ZNF423: variants seen among roughly 807,000 people sequenced by gnomAD.
ZNF423 encodes the protein zinc finger protein 423.
ZNF423 carries 12 observed loss-of-function variants against 95.8 expected under a neutral mutation model. The ratio of observed to expected loss-of-function variants is 0.13; its 90% CI spans 0.08 to 0.20. The LOEUF is 0.20. Among genes scored for constraint, ZNF423 ranks in the 10% least tolerant of loss-of-function variants. ZNF423 has a pLI of 1.00. For missense variants in ZNF423, 1,316 were observed against 1,737.1 expected (o/e 0.76, Z 4.31); for synonymous variants, 749 against 711.9 (o/e 1.05, Z -0.83).
intron 5 of ZNF423, among the ~76,000 whole-genome samples, chr16:49,592,323 T>C (rs1336337235): frequency 6.6e-6 from 1 of 152,222 alleles, no homozygotes; most frequent in Non-Finnish European, 1.5e-5. Flanking sequence ...AAGTGTATTA[T>C]TTGAGTTTTT....
At chr16:49,805,953 G>A (rs1464646848) in intron 1 of ZNF423, among the ~76,000 whole-genome samples, 1 of 152,216 alleles carries the variant, frequency 6.6e-6, no homozygotes, top group Non-Finnish European at 1.5e-5. Context: ...CTGGGGAACC[G>A]CCTGCCTGGA....
chr16:49,720,612 A>T (rs563895257), intron 3 of ZNF423, among the ~76,000 whole-genome samples: 8 of 152,348 alleles, frequency 5.3e-5, no homozygotes, highest in Admixed American at 3.9e-4. Context: ...GGATATACAC[A>T]CCAAGGATTC....
intron 3 of ZNF423, among the ~76,000 whole-genome samples, chr16:49,662,253 G>C (rs2030275391): frequency 6.6e-6 from 1 of 152,140 alleles, no homozygotes; most frequent in South Asian, 2.1e-4. Flanking sequence ...TCTACAAAGA[G>C]GTTTGGTCCC....
In ZNF423 at chr16:49,562,492, T is replaced by C. The variant is rs994681358; in HGVS notation, c.3602-36998A>G. 2.6e-5 allele frequency among the ~76,000 whole-genome samples: 4 copies of C among 152,188 alleles called. No individual in the cohort carries two copies. The East Asian group carries it at 7.7e-4, about 29-fold the overall frequency. On this transcript the variant is annotated intron_variant, in intron 5 of 7. Coordinates refer to ENST00000563137, the MANE Select transcript of ZNF423 (RefSeq NM_001379286.1). ...GCTGTTAACTGTTCTTGGGAGTCTA[T>C]ACTGAAGAAGCCAGGAAAGTATTTG...
chr16:49,824,823 G>A (rs1195250689), intron 1 of ZNF423, among the ~76,000 whole-genome samples: 3 of 152,164 alleles, frequency 2.0e-5, no homozygotes, highest in Non-Finnish European at 2.9e-5. Context: ...CGAGATTCCA[G>A]GGTGCCCCGT....
In ZNF423 at chr16:49,636,019, T is replaced by G. The variant is rs1279792394; in HGVS notation, c.3157A>C (p.Lys1053Gln). ...LKIHGTFHMQ[K>Q]LAGSSAASSP... is the part of the protein sequence containing the mutation. The stretch of plus-strand genomic sequence containing the variant: ...GACGCCGCTGAGCTGCCCGCCAGCT[T>G]CTGCATGTGGAAGGTGCCATGGATC... The change falls in exon 4 of 8, where the codon AAG becomes CAG. Residue 1053 changes from lysine to glutamine, a missense_variant. Physicochemically the swap from Lys to Gln is moderately conservative, Grantham distance 53. Coordinates refer to ENST00000563137, the MANE Select transcript of ZNF423 (RefSeq NM_001379286.1). The surrounding 1 kb of genome is among the most constrained non-coding windows in gnomAD (Gnocchi z 8.6). 1.5e-5 allele frequency: 24 copies of G among 1,608,462 alleles called. No individual in the cohort carries two copies. The highest frequency in any genetic ancestry group is 2.0e-5 in the Non-Finnish European group (24 of 1,175,868).
chr16:49,792,343 GAAAGAGA>G (rs2034430431), intron 1 of ZNF423, among the ~76,000 whole-genome samples: 1 of 152,206 alleles, frequency 6.6e-6, no homozygotes, highest in African/African-American at 2.4e-5. Flanking sequence ...GCCATAATGG[GAAAGAGA>G]ACAGGGAAAC....
At chr16:49,823,614 G>A (rs923703769) in intron 1 of ZNF423, among the ~76,000 whole-genome samples, 7 of 151,986 alleles carry the variant, frequency 4.6e-5, no homozygotes, top group East Asian at 1.9e-4. Context: ...GCAACATTCC[G>A]AAAGGGAAAG....
chr16:49,797,893 G>C (rs72780383), intron 1 of ZNF423, among the ~76,000 whole-genome samples: 13,307 of 151,578 alleles, frequency 0.088, 712 homozygotes, highest in Middle Eastern at 0.15. Context: ...ACCAAAAGGA[G>C]GCTGGGTCTA....
rs1420041037 is a variant in ZNF423 at position 49,692,180 on chromosome 16, C to T, written c.301+38591G>A. 2.0e-5 allele frequency among the ~76,000 whole-genome samples: 3 copies of T among 152,056 alleles called. No individual in the cohort carries two copies. The South Asian group carries it at 6.2e-4, about 32-fold the overall frequency. On this transcript the variant is annotated intron_variant, in intron 3 of 7. Transcript: ENST00000563137. ...GTGTTGCTCAGGCTCTTCTCAAACT[C>T]CTGGGTTCAAGCGATCCTCCTGTCT... is the stretch of plus-strand genomic sequence containing the variant.
chr16:49,827,233 G>A (rs1445488637), intron 1 of ZNF423, among the ~76,000 whole-genome samples: 1 of 152,056 alleles, frequency 6.6e-6, no homozygotes, highest in East Asian at 1.9e-4. Flanking sequence ...CCAGCCTCCA[G>A]CCACAGAGCA....
At position 49,636,759 on chromosome 16, in the gene ZNF423, C is replaced by T; in HGVS notation, c.2417G>A (p.Cys806Tyr). 3 of 1,614,028 alleles carry T rather than the reference C, an allele frequency of 1.9e-6. No homozygotes were observed. The highest frequency in any genetic ancestry group is 2.5e-6 in the Non-Finnish European group (3 of 1,179,962). ...ETFSTEVELQCHITTHSKKYN... is the reference protein window; with the variant it reads ...ETFSTEVELQYHITTHSKKYN... ...CTTCTTGCTGTGTGTGGTGATGTGG[C>T]ACTGCAGCTCCACCTCGGTGCTGAA... The change falls in exon 4 of 8, where the codon TGC becomes TAC. Residue 806 changes from cysteine (C) to tyrosine (Y), a missense_variant. Transcript: ENST00000563137. The surrounding 1 kb of genome is among the most constrained non-coding windows in gnomAD (Gnocchi z 8.6).
chr16:49,595,126 A>G (rs1971142668), intron 5 of ZNF423, among the ~76,000 whole-genome samples: 2 of 152,168 alleles, frequency 1.3e-5, no homozygotes, highest in Admixed American at 6.5e-5. Context: ...GAGGGCAGGG[A>G]GTGCTGCTGA....
chr16:49,711,716 A>C (rs1334474096), intron 3 of ZNF423: 1 of 152,260 alleles, frequency 6.6e-6, no homozygotes, highest in Non-Finnish European at 1.5e-5. Context: ...GTAAAGGTGT[A>C]GGAGAAGGTC....
At chr16:49,559,103 C>A (rs1969935200) in intron 5 of ZNF423, among the ~76,000 whole-genome samples, 1 of 152,236 alleles carries the variant, frequency 6.6e-6, no homozygotes. Context: ...ATCCCCTGGA[C>A]TCCTAAACAC....
chr16:49,822,609 G>T, intron 1 of ZNF423: 1 of 1,401,562 alleles, frequency 7.1e-7, no homozygotes, highest in Admixed American at 2.1e-5. Flanking sequence ...TCTAGTTCGA[G>T]CTCCTTCTGT....
At chr16:49,640,284 C>T (rs1226460446) in intron 3 of ZNF423, among the ~76,000 whole-genome samples, 1 of 152,156 alleles carries the variant, frequency 6.6e-6, no homozygotes, top group African/African-American at 2.4e-5. Context: ...TGCGCATACA[C>T]ACGCCTACCT....
At chr16:49,551,102 G>A (rs577938850) in intron 5 of ZNF423, among the ~76,000 whole-genome samples, 1 of 152,358 alleles carries the variant, frequency 6.6e-6, no homozygotes, top group Non-Finnish European at 1.5e-5. Context: ...GCCCCTTCCA[G>A]GTGGGCCCCC....
At chr16:49,584,592 CAAGATCA>C (rs1347472550) in intron 5 of ZNF423, among the ~76,000 whole-genome samples, 6 of 152,100 alleles carry the variant, frequency 3.9e-5, no homozygotes, top group Non-Finnish European at 7.4e-5. Context: ...GCTGGAAGTC[CAAGATCA>C]AGGTGGCAGT....
Sources: gnomAD v4.1 joint callset for allele counts (sites outside exome capture counted in the v4.1 genomes callset) on GRCh38, gnomAD v4.1.1 for gene constraint, Gnocchi (gnomAD v3.1) non-coding constraint, MANE v1.5 for transcripts, NCBI Gene and HGNC (gene_info 2026-07-23, HGNC 2026-07-21) for gene names.